Variants in MYO9B observed in about 807,000 individuals in gnomAD.
MYO9B encodes the protein unconventional myosin-IXb.
A neutral mutation model predicts 229.5 loss-of-function variants in MYO9B; 71 were observed. The observed-to-expected ratio is 0.31, with a 90% CI of 0.26 to 0.38. The LOEUF (loss-of-function observed/expected upper bound fraction) is 0.38. Among genes scored for constraint, MYO9B ranks in the 10% least tolerant of loss-of-function variants. The probability of loss-of-function intolerance (pLI) is 1.00; values close to 1 mark genes in which losing one functional copy is unlikely to be tolerated. For missense variants in MYO9B, 2,255 were observed against 2,920.5 expected (o/e 0.77, Z 5.25); for synonymous variants, 1,185 against 1,235.8 (o/e 0.96, Z 0.86).
At chr19:17,166,096 G>C (rs1302431146) in intron 10 of MYO9B, among the ~76,000 whole-genome samples, 2 of 152,018 alleles carry the variant, frequency 1.3e-5, no homozygotes, top group South Asian at 2.1e-4. Context: ...AGGCCGGAGT[G>C]CAATGGTGCA....
intron 19 of MYO9B, 51 bp from the exon 20 acceptor site, chr19:17,191,046 G>A (rs1599409842): frequency 8.3e-6 from 13 of 1,573,314 alleles, no homozygotes; most frequent in East Asian, 2.3e-5. Flanking sequence ...TCTCCTCATC[G>A]CTGGCCAGAA....
intron 32 of MYO9B, 23 bp from the exon 33 acceptor site, chr19:17,206,225 G>GGGGCCCCCCCCC: frequency 1.0e-5 from 16 of 1,564,650 alleles, no homozygotes; most frequent in Non-Finnish European, 1.4e-5. Flanking sequence ...CCGCTCACCA[G>GGGGCCCCCCCCC]ACCCACCCCA....
intron 26 of MYO9B, among the ~76,000 whole-genome samples, chr19:17,201,485 C>T (rs542298069): frequency 6.6e-6 from 1 of 152,228 alleles, no homozygotes; most frequent in East Asian, 1.9e-4. Context: ...CAGGCCATTC[C>T]AGGCATCCCC....
chr19:17,108,629 T>C (rs979969494), intron 2 of MYO9B, among the ~76,000 whole-genome samples: 15 of 152,232 alleles, frequency 9.9e-5, no homozygotes, highest in Admixed American at 3.3e-4. Context: ...GTTCTTCCCA[T>C]AAGACCCAAT....
rs79829421 is a variant in MYO9B, at chr19:17,207,203, G to T, written c.5583G>T (p.Ser1861=). ...APCLLRCPDN[S]DPLTSMKDVL... is the part of the protein sequence containing the mutation. ...GCCTCCTGCGCTGCCCTGACAACTC[G>T]GACCCGCTGACCAGCATGAAGGACG... The change falls in exon 35 of 40, where the codon TCG becomes TCT. Residue 1861 remains serine, a synonymous_variant. Transcript: ENST00000682292. The T allele has an allele frequency of 3.9e-5, 62 of 1,601,434 alleles. No individual in the cohort carries two copies. Among genetic ancestry groups the T allele is most frequent in the Non-Finnish European group, 3.4e-6 (4 of 1,175,146 alleles).
chr19:17,157,925 C>T (rs1376667789), intron 7 of MYO9B, among the ~76,000 whole-genome samples: 1 of 152,102 alleles, frequency 6.6e-6, no homozygotes, highest in Non-Finnish European at 1.5e-5. Context: ...GTCATTTTCT[C>T]ATTGGACCTG....
rs764014793 is a variant in MYO9B, at chr19:17,211,718, C to A, written c.6002C>A (p.Thr2001Lys). 6.2e-7 allele frequency: 1 copy of A among 1,612,406 alleles called. No homozygotes were observed. Among genetic ancestry groups the A allele is most frequent in the African/African-American group, 1.3e-5 (1 of 74,746 alleles). Reference protein sequence around the residue: ...GSDEENLDSETSASTESLLEE... With the variant: ...GSDEENLDSEKSASTESLLEE... ...GACGAGGAGAACCTGGACTCGGAGA[C>A]GTCGGCCAGCACCGAGAGCCTGCTG... Residue 2001 changes from threonine (T) to lysine (K), a missense_variant, in exon 39 of 40, where the codon ACG becomes AAG. Transcript: ENST00000682292.
chr19:17,176,177 C>G (rs887932929), intron 14 of MYO9B, among the ~76,000 whole-genome samples: 1 of 152,096 alleles, frequency 6.6e-6, no homozygotes, highest in African/African-American at 2.4e-5. Flanking sequence ...CTACAGGCAC[C>G]CGCCACCACA....
At position 17,131,161 on chromosome 19, in the gene MYO9B, C is replaced by T. The variant is rs536658127; in HGVS notation, c.841-14236C>T. On this transcript the variant is annotated intron_variant, in intron 2 of 39. Transcript: ENST00000682292. Reference sequence around the variant, plus strand: ...ACCCTGCTCCTTGGTTATAAAGTCCCGCTTGCCCAAGCCATATTCAGATTT... The same window carrying T: ...ACCCTGCTCCTTGGTTATAAAGTCCTGCTTGCCCAAGCCATATTCAGATTT... Among the ~76,000 whole-genome samples the T allele has an allele frequency of 5.3e-5, 8 of 152,322 alleles. No homozygotes were observed. In the East Asian group the frequency reaches 1.5e-3, roughly 29 times the overall value.
intron 2 of MYO9B, among the ~76,000 whole-genome samples, chr19:17,143,836 G>A (rs538102768): frequency 3.9e-5 from 6 of 152,232 alleles, no homozygotes; most frequent in Admixed American, 2.0e-4. Context: ...CAGGAGAATC[G>A]CTTGAACCTG....
In MYO9B at chr19:17,157,052, C is replaced by G. The variant is rs2145291171; in HGVS notation, c.1329+14C>G. 1 of 1,611,182 alleles carries G rather than the reference C, an allele frequency of 6.2e-7. No homozygotes were observed. Among genetic ancestry groups the G allele is most frequent in the Admixed American group, 1.7e-5 (1 of 59,442 alleles). On this transcript the variant is annotated intron_variant, in intron 7 of 39. Transcript: ENST00000682292. ...CAGCTTCTGAAGGTACTGATTGCCACCTCTGTCCCTTCTCAGGCCTGGCTC... is the reference window on the plus strand; with the variant it reads ...CAGCTTCTGAAGGTACTGATTGCCAGCTCTGTCCCTTCTCAGGCCTGGCTC...
At chr19:17,130,559 G>T (rs1217697113) in intron 2 of MYO9B, among the ~76,000 whole-genome samples, 1 of 152,046 alleles carries the variant, frequency 6.6e-6, no homozygotes, top group Non-Finnish European at 1.5e-5. Flanking sequence ...GGCGGAGCTT[G>T]GAGTGAGCCG....
Position 17,088,338 on chromosome 19 carries a change from A to G in MYO9B, c.-59+12464A>G, listed in dbSNP as rs200391363. ...CCTTGTCCAGTACAACCTGATCTTA[A>G]CTGACTACATCCCCAAAGGCCTTAT... On this transcript the variant is annotated intron_variant, in intron 1 of 39. Transcript: ENST00000682292. Among the ~76,000 whole-genome samples, 12 of 152,320 alleles carry G rather than the reference A, an allele frequency of 7.9e-5. No homozygotes were observed. In the East Asian group the frequency reaches 2.3e-3, roughly 29 times the overall value.
In MYO9B at chr19:17,186,466, G is replaced by A. The variant is rs79089061; in HGVS notation, c.2577+465G>A. ...CCAGAGGTCCACTCCATCCCTGGGA[G>A]GACAGCTCGGGGACTTTGCCAGGGA... On this transcript the variant is annotated intron_variant, in intron 18 of 39. Transcript: ENST00000682292. Among the ~76,000 whole-genome samples the A allele has an allele frequency of 1.0e-3, 157 of 152,272 alleles. 1 individual carries two copies. In the East Asian group the frequency reaches 0.021, roughly 20 times the overall value.
chr19:17,078,681 C>A (rs986296994), intron 1 of MYO9B, among the ~76,000 whole-genome samples: 2 of 152,176 alleles, frequency 1.3e-5, no homozygotes, highest in African/African-American at 4.8e-5. Context: ...CAAGTTTCCT[C>A]GGAAGTAGTG....
chr19:17,194,720 C>T lies in MYO9B; in HGVS notation c.3293C>T (p.Ala1098Val). 1 of 1,612,890 alleles carries T rather than the reference C, an allele frequency of 6.2e-7. No homozygotes were observed. The highest frequency in any genetic ancestry group is 8.5e-7 in the Non-Finnish European group (1 of 1,179,874). ...CCAGCGGAGGATGGCGGGCACCTGG[C>T]ATCGGAGCCTGAGGTGCAGCCAAGT... is the stretch of plus-strand genomic sequence containing the variant. ...PEPAEDGGHL[A>V]SEPEVQPSDR... The change falls in exon 22 of 40, where the codon GCA becomes GTA. Residue 1098 changes from alanine to valine, a missense_variant. Physicochemically the swap from Ala to Val is moderately conservative, Grantham distance 64 (BLOSUM62 0). This residue lies in a region of MYO9B where 679 missense variants were observed against 770.2 expected (regional missense o/e 0.88). Transcript: ENST00000682292.
intron 16 of MYO9B, 47 bp downstream of exon 16, chr19:17,183,915 C>T: frequency 6.6e-7 from 1 of 1,519,318 alleles, no homozygotes; most frequent in Non-Finnish European, 8.8e-7. Context: ...AGATATCTTG[C>T]TTCTCTGCCC....
At chr19:17,169,805 T>C (rs73010345) in intron 11 of MYO9B, among the ~76,000 whole-genome samples, 1,052 of 66,798 alleles carry the variant, frequency 0.016, 11 homozygotes, top group African/African-American at 0.038. Context: ...TCTCCTCCTT[T>C]TTTTTTTTTT....
intron 2 of MYO9B, among the ~76,000 whole-genome samples, chr19:17,130,993 C>G (rs540888122): frequency 2.6e-5 from 4 of 152,118 alleles, no homozygotes; most frequent in African/African-American, 7.2e-5. Flanking sequence ...GATGTCTGAT[C>G]GGGCTCTGTA....
Sources: gnomAD v4.1 joint callset for allele counts (sites outside exome capture counted in the v4.1 genomes callset) on GRCh38, gnomAD v4.1.1 for gene constraint, gnomAD v4.1.1 regional missense constraint, MANE v1.5 for transcripts, NCBI Gene and HGNC (gene_info 2026-07-23, HGNC 2026-07-21) for gene names.